Variants in PARP9 observed in about 807,000 individuals in gnomAD.
PARP9 encodes protein mono-ADP-ribosyltransferase PARP9.
In PARP9, 48 loss-of-function variants were observed where a neutral mutation model predicts 68.8. The ratio of observed to expected loss-of-function variants is 0.70; its 90% CI spans 0.55 to 0.89. The LOEUF is 0.89. Among genes scored for constraint, PARP9 ranks in the 40% least tolerant of loss-of-function variants. The pLI is 0.00. For synonymous variants in PARP9, 309 were observed against 333.8 expected, an observed-to-expected ratio of 0.93 and a Z score of 0.81; for missense variants, 806 against 969.3, an observed-to-expected ratio of 0.83 and a Z score of 2.24.
At chr3:122,564,463 G>A (rs1231224681), upstream of PARP9, 1 of 1,612,254 alleles carries the variant, frequency 6.2e-7, no homozygotes, top group Non-Finnish European at 8.5e-7. Flanking sequence ...CCCGCTCCTC[G>A]TGCGGGTGTA....
intron 7 of PARP9, 102 bp downstream of exon 7, chr3:122,545,329 GC>G (rs905585506): frequency 1.7e-6 from 2 of 1,187,392 alleles, no homozygotes; most frequent in Non-Finnish European, 2.5e-6. Flanking sequence ...AATACCTTTG[GC>G]TTATTTATTC....
intron 6 of PARP9, among the ~76,000 whole-genome samples, chr3:122,549,775 C>T (rs891817462): frequency 6.6e-6 from 1 of 151,138 alleles, no homozygotes; most frequent in African/African-American, 2.4e-5. Flanking sequence ...AGCAAGATCA[C>T]ATCTGTTTAA....
intron 4 of PARP9, among the ~76,000 whole-genome samples, chr3:122,553,494 G>GT (rs2079384421): frequency 6.6e-6 from 1 of 152,196 alleles, no homozygotes; most frequent in Non-Finnish European, 1.5e-5. Flanking sequence ...TTTAAAAATT[G>GT]TAATGTTCCT....
At chr3:122,541,010 C>A (rs2078181474) in intron 7 of PARP9, among the ~76,000 whole-genome samples, 158 bp from the exon 8 acceptor site, 1 of 151,990 alleles carries the variant, frequency 6.6e-6, no homozygotes, top group South Asian at 2.1e-4. Flanking sequence ...CCTGCCTCAG[C>A]CTCCCGAGTA....
At position 122,536,255 on chromosome 3, in the gene PARP9, T is replaced by C. The variant is rs771230409; in HGVS notation, c.1993A>G (p.Ser665Gly). Residue 665 changes from serine to glycine, a missense_variant, in exon 10 of 11, where the codon AGC becomes GGC. Physicochemically the swap from Ser to Gly is moderately conservative, Grantham distance 56 (BLOSUM62 0). Coordinates refer to ENST00000682323, the MANE Select transcript of PARP9 (RefSeq NM_001146105.2). ...GGGACTTGCTGAAACAGCCTATGGCTCACAGGTTGCCTGTGCAGTTTTTCT... is the reference window on the plus strand; with the variant it reads ...GGGACTTGCTGAAACAGCCTATGGCCCACAGGTTGCCTGTGCAGTTTTTCT... ...MEEKLHRQPV[S>G]HRLFQQVPYQ... 3 of 1,614,204 alleles carry C rather than the reference T, an allele frequency of 1.9e-6. No individual in the cohort carries two copies. The Admixed American group carries it at 5.0e-5, about 27-fold the overall frequency.
intron 6 of PARP9, among the ~76,000 whole-genome samples, chr3:122,548,011 C>T (rs2078901830): frequency 6.6e-6 from 1 of 152,182 alleles, no homozygotes; most frequent in Non-Finnish European, 1.5e-5. Flanking sequence ...GGGTCATGCA[C>T]CACCATCTCA....
upstream of PARP9, chr3:122,564,408 C>T (rs1183992823): frequency 2.5e-6 from 4 of 1,598,810 alleles, no homozygotes. Flanking sequence ...GCCCCCGCGC[C>T]CTCCCGACGC....
At chr3:122,552,751 A>C (rs1487238314) in intron 4 of PARP9, 112 bp from the exon 5 acceptor site, 1 of 727,158 alleles carries the variant, frequency 1.4e-6, no homozygotes. Context: ...GAAGATCCTA[A>C]ATTCTAAAAA....
At position 122,536,157 on chromosome 3, in the gene PARP9, T is replaced by C. The variant is rs370408322; in HGVS notation, c.2080+11A>G. ...ACAGAGTAGCCCCAATGATGAGGCA[T>C]TGACACCTACCGCAAGGTGTCGAGT... On this transcript the variant is annotated intron_variant, in intron 10 of 10. Transcript: ENST00000682323. 238 of 1,614,044 alleles carry C rather than the reference T, an allele frequency of 1.5e-4. No individual in the cohort carries two copies. The highest frequency in any genetic ancestry group is 1.8e-4 in the Non-Finnish European group (214 of 1,180,014).
intron 7 of PARP9, among the ~76,000 whole-genome samples, chr3:122,541,756 A>G (rs1285070160): frequency 1.3e-5 from 2 of 152,254 alleles, no homozygotes; most frequent in Non-Finnish European, 2.9e-5. Context: ...ACTGATTCAC[A>G]GAGTCATTAA....
intron 6 of PARP9, among the ~76,000 whole-genome samples, chr3:122,547,059 C>T (rs1327457262): frequency 1.5e-5 from 2 of 133,798 alleles, no homozygotes; most frequent in Non-Finnish European, 3.2e-5. Context: ...CATATATATA[C>T]ACATACATAT....
intron 6 of PARP9, among the ~76,000 whole-genome samples, chr3:122,548,835 A>C (rs1026897493): frequency 5.9e-5 from 9 of 152,182 alleles, no homozygotes; most frequent in Non-Finnish European, 1.2e-4. Flanking sequence ...AGTACTGGAG[A>C]CATGGCAAAA....
chr3:122,554,209 C>A (rs1246846756), intron 4 of PARP9, among the ~76,000 whole-genome samples: 1 of 152,000 alleles, frequency 6.6e-6, no homozygotes. Context: ...ACTCTGACCA[C>A]CCAGAAAGCT....
intron 10 of PARP9, among the ~76,000 whole-genome samples, chr3:122,529,547 G>C (rs1422460360): frequency 2.0e-5 from 3 of 151,726 alleles, no homozygotes; most frequent in Non-Finnish European, 4.4e-5. Context: ...TCAGGAGATG[G>C]ACACCATCCT....
At chr3:122,537,254 G>T (rs1035040856) in intron 8 of PARP9, among the ~76,000 whole-genome samples, 181 bp from the exon 9 acceptor site, 4 of 152,174 alleles carry the variant, frequency 2.6e-5, no homozygotes, top group Non-Finnish European at 4.4e-5. Flanking sequence ...AAATAAAGGG[G>T]TAATAAATTT....
At chr3:122,562,553 G>A (rs891456039) in intron 1 of PARP9, among the ~76,000 whole-genome samples, 1 of 152,096 alleles carries the variant, frequency 6.6e-6, no homozygotes, top group African/African-American at 2.4e-5. Flanking sequence ...TGTTTGAATA[G>A]GTATTACATT....
chr3:122,560,151 C>T (rs2080067558), intron 1 of PARP9, among the ~76,000 whole-genome samples: 1 of 152,090 alleles, frequency 6.6e-6, no homozygotes, highest in African/African-American at 2.4e-5. Flanking sequence ...GCCACTAGAG[C>T]CTGTGAGGGG....
At position 122,528,556 on chromosome 3, in the gene PARP9, AC is replaced by A; in HGVS notation, c.2267del (p.Gly756ValfsTer46). On this transcript the variant is annotated frameshift_variant, in exon 11 of 11. Coordinates refer to ENST00000682323, the MANE Select transcript of PARP9 (RefSeq NM_001146105.2). LOFTEE classifies it low-confidence loss of function (END_TRUNC). ...PPPLSPGAID[G>X]HDSVVDNVSS... Reference sequence around the variant, plus strand: ...AGACATTGTCAACCACACTGTCATGACCATCTATAGCTCCAGGACTCAGTGG... The same window carrying A: ...AGACATTGTCAACCACACTGTCATGACATCTATAGCTCCAGGACTCAGTGG... 1 of 1,614,168 alleles carries A rather than the reference AC, an allele frequency of 6.2e-7. No homozygotes were observed. Among genetic ancestry groups the A allele is most frequent in the African/African-American group, 1.3e-5 (1 of 75,048 alleles).
intron 5 of PARP9, among the ~76,000 whole-genome samples, chr3:122,551,969 G>A (rs1488986210): frequency 1.3e-5 from 2 of 152,216 alleles, no homozygotes; most frequent in African/African-American, 4.8e-5. Context: ...AGGCTAGAGT[G>A]CAGCAGTGTG....
Sources: gnomAD v4.1 joint callset for allele counts (sites outside exome capture counted in the v4.1 genomes callset) on GRCh38, gnomAD v4.1.1 for gene constraint, MANE v1.5 for transcripts, NCBI Gene and HGNC (gene_info 2026-07-23, HGNC 2026-07-21) for gene names.